Variants in USP37 observed in about 807,000 individuals in gnomAD.
USP37 encodes ubiquitin carboxyl-terminal hydrolase 37.
USP37 carries 27 observed loss-of-function variants against 124.0 expected under a neutral mutation model. That is an observed-to-expected ratio of 0.22 (90% CI 0.16 to 0.30). The LOEUF is 0.30. USP37 is among the 10% of genes least tolerant of loss of function. The pLI, the probability that USP37 is intolerant of heterozygous loss-of-function variation, is 1.00. For missense variants in USP37, 889 were observed against 1,140.4 expected, an observed-to-expected ratio of 0.78 and a Z score of 3.17; for synonymous variants, 365 against 388.0, an observed-to-expected ratio of 0.94 and a Z score of 0.70.
Position 218,457,165 on chromosome 2 carries a change from G to C in USP37, c.2644-4C>G, listed in dbSNP as rs778307620. ...ACGAATGAGGCAGATTTCCTGTCTGGAAAACAGAAGTGGGTATAACTTTTA... is the reference window on the plus strand; with the variant it reads ...ACGAATGAGGCAGATTTCCTGTCTGCAAAACAGAAGTGGGTATAACTTTTA... On this transcript the variant is annotated splice_polypyrimidine_tract_variant and splice_region_variant and intron_variant, in intron 23 of 25. Coordinates refer to ENST00000258399, the MANE Select transcript of USP37 (RefSeq NM_020935.3). 16 of 1,613,060 alleles carry C rather than the reference G, an allele frequency of 9.9e-6. No homozygotes were observed. In the South Asian group the frequency reaches 1.7e-4, roughly 17 times the overall value.
chr2:218,459,920 G>A lies in USP37; in HGVS notation c.2528-15C>T. On this transcript the variant is annotated splice_polypyrimidine_tract_variant and intron_variant, in intron 22 of 25. Coordinates refer to ENST00000258399, the MANE Select transcript of USP37 (RefSeq NM_020935.3). ...GTTGTTAAACTCTGAAGAATACAAAGACAAAATCTTATAAAAGTTCTTGGA... is the reference window on the plus strand; with the variant it reads ...GTTGTTAAACTCTGAAGAATACAAAAACAAAATCTTATAAAAGTTCTTGGA... The A allele has an allele frequency of 6.3e-7, 1 of 1,595,756 alleles. No homozygotes were observed. Among genetic ancestry groups the A allele is most frequent in the Non-Finnish European group, 8.6e-7 (1 of 1,165,626 alleles).
intron 20 of USP37, among the ~76,000 whole-genome samples, chr2:218,469,027 C>T (rs1197421104): frequency 6.6e-6 from 1 of 152,126 alleles, no homozygotes; most frequent in Non-Finnish European, 1.5e-5. Flanking sequence ...GCACAGGTAA[C>T]CCTGAAGCTT....
intron 1 of USP37, among the ~76,000 whole-genome samples, chr2:218,565,542 T>C (rs1693549177): frequency 1.3e-5 from 2 of 152,250 alleles, no homozygotes; most frequent in Non-Finnish European, 2.9e-5. Flanking sequence ...CGTTTTGTTT[T>C]TTCTCATGTG....
At chr2:218,548,384 A>AGGCTGGAGTGCCACT (rs372181174) in intron 6 of USP37, among the ~76,000 whole-genome samples, 3,644 of 152,216 alleles carry the variant, frequency 0.024, 148 homozygotes, top group African/African-American at 0.083. Flanking sequence ...TCTGTCAACC[A>AGGCTGGAGTGCCACT]GGCTGGAGTG....
In USP37 at chr2:218,452,255, T is replaced by C. The variant is rs1200481712; in HGVS notation, c.*2675A>G. 7 of 152,224 alleles carry C rather than the reference T, an allele frequency of 4.6e-5. No individual in the cohort carries two copies. The highest frequency in any genetic ancestry group is 7.3e-5 in the Non-Finnish European group (5 of 68,040). 9.4% of individuals were successfully genotyped at this position (152,224 alleles called of 1,614,324 possible). A position where few individuals can be genotyped will look rare whatever the true frequency, so the allele number is the denominator to read the frequency against. ...CAATAGGAAGGTTAATTAGGTATTG[T>C]GCAAACTGCCTGCAACGGAAGCACT... On this transcript the variant is annotated 3_prime_UTR_variant, in exon 26 of 26. Transcript: ENST00000258399.
chr2:218,473,430 T>C (rs1690799017), intron 20 of USP37, among the ~76,000 whole-genome samples: 1 of 152,190 alleles, frequency 6.6e-6, no homozygotes, highest in African/African-American at 2.4e-5. Context: ...TCCAGTTAAA[T>C]GGGGATATAC....
chr2:218,558,765 C>T (rs775013680), intron 3 of USP37, 88 bp from the exon 4 acceptor site: 1 of 1,010,276 alleles, frequency 9.9e-7, no homozygotes, highest in South Asian at 1.6e-5. Context: ...TAATTAATTT[C>T]TAACCACCAT....
chr2:218,531,000 T>C (rs1427076270), intron 9 of USP37, among the ~76,000 whole-genome samples: 2 of 152,124 alleles, frequency 1.3e-5, no homozygotes, highest in African/African-American at 2.4e-5. Flanking sequence ...ATCTCCATAA[T>C]ATAAAAGTAC....
intron 1 of USP37, among the ~76,000 whole-genome samples, chr2:218,565,814 C>T (rs1000113053): frequency 2.6e-5 from 4 of 152,080 alleles, no homozygotes; most frequent in African/African-American, 4.8e-5. Flanking sequence ...TTTGGGAGGC[C>T]GAGGCAGGTG....
At position 218,452,799 on chromosome 2, in the gene USP37, T is replaced by G. The variant is rs748563630; in HGVS notation, c.*2131A>C. 6 of 152,192 alleles carry G rather than the reference T, an allele frequency of 3.9e-5. No individual in the cohort carries two copies. Among genetic ancestry groups the G allele is most frequent in the Admixed American group, 1.3e-4 (2 of 15,268 alleles). 9.4% of individuals were successfully genotyped at this position (152,192 alleles called of 1,614,324 possible). A position where few individuals can be genotyped will look rare whatever the true frequency, so the allele number is the denominator to read the frequency against. ...AGCCTGCACTTTAAATCTTTCCCAA[T>G]AATTTTTAACAGTGCCTCTCAAATG... On this transcript the variant is annotated 3_prime_UTR_variant, in exon 26 of 26. Coordinates refer to ENST00000258399, the MANE Select transcript of USP37 (RefSeq NM_020935.3).
chr2:218,459,682 G>T (rs1156514183), intron 23 of USP37, 108 bp downstream of exon 23: 8 of 798,668 alleles, frequency 1.0e-5, no homozygotes, highest in Non-Finnish European at 1.4e-5. Flanking sequence ...GCTACTGAAA[G>T]GGCCAAAATG....
chr2:218,542,655 G>A (rs1211386925), intron 8 of USP37, among the ~76,000 whole-genome samples: 1 of 152,190 alleles, frequency 6.6e-6, no homozygotes, highest in Non-Finnish European at 1.5e-5. Context: ...TTTCATGATA[G>A]ATTCCAATTC....
chr2:218,503,544 C>T (rs1384084245), intron 11 of USP37, among the ~76,000 whole-genome samples: 3 of 152,078 alleles, frequency 2.0e-5, no homozygotes, highest in Admixed American at 1.3e-4. Context: ...GGAGAAACCT[C>T]GTCTCTACTA....
chr2:218,490,844 TA>T (rs1691896768), intron 14 of USP37, among the ~76,000 whole-genome samples: 1 of 152,194 alleles, frequency 6.6e-6, no homozygotes, highest in South Asian at 2.1e-4. Context: ...AAAAGGAGAT[TA>T]TCTGAATGGG....
At chr2:218,485,122 GAA>G (rs1479573648) in intron 16 of USP37, among the ~76,000 whole-genome samples, 1 of 152,078 alleles carries the variant, frequency 6.6e-6, no homozygotes, top group African/African-American at 2.4e-5. Flanking sequence ...TGGGATAACA[GAA>G]AAAGACTACA....
chr2:218,468,492 G>A (rs1032932459), intron 20 of USP37, among the ~76,000 whole-genome samples: 6 of 151,936 alleles, frequency 3.9e-5, no homozygotes, highest in Non-Finnish European at 8.8e-5. Flanking sequence ...CAAAGTGCTG[G>A]GATTACAGGA....
At chr2:218,455,047 T>C in intron 25 of USP37, 30 bp from the exon 26 acceptor site, 2 of 1,611,468 alleles carry the variant, frequency 1.2e-6, no homozygotes, top group Non-Finnish European at 1.7e-6. Flanking sequence ...AAAATAAAAC[T>C]GGAAATTTAG....
intron 14 of USP37, among the ~76,000 whole-genome samples, chr2:218,494,654 A>G (rs749697501): frequency 2.6e-5 from 4 of 152,226 alleles, no homozygotes; most frequent in Non-Finnish European, 5.9e-5. Flanking sequence ...TGTGAAAGTC[A>G]TAGAAATAAT....
intron 21 of USP37, among the ~76,000 whole-genome samples, chr2:218,465,016 C>T (rs1035268520): frequency 2.0e-5 from 3 of 152,088 alleles, no homozygotes; most frequent in African/African-American, 7.2e-5. Context: ...GAGTTTGAGG[C>T]TGCAGTGAGG....
Sources: gnomAD v4.1 joint callset for allele counts (sites outside exome capture counted in the v4.1 genomes callset) on GRCh38, gnomAD v4.1.1 for gene constraint, MANE v1.5 for transcripts, NCBI Gene and HGNC (gene_info 2026-07-23, HGNC 2026-07-21) for gene names.